The following SLC9A9 variants were observed in gnomAD, a reference collection of about 807,000 sequenced individuals.
The protein encoded by SLC9A9 is sodium/hydrogen exchanger 9.
SLC9A9 carries 62 observed loss-of-function variants against 77.8 expected under a neutral mutation model. The observed-to-expected ratio is 0.80, with a 90% CI of 0.65 to 0.98. The LOEUF (loss-of-function observed/expected upper bound fraction) is 0.98, where lower values mean the gene tolerates loss of function less well. Among genes scored for constraint, SLC9A9 ranks in the 50% least tolerant of loss-of-function variants. SLC9A9 has a pLI of 0.00. For missense variants in SLC9A9, 775 were observed against 774.9 expected (o/e 1.00, Z 0.00); for synonymous variants, 320 against 283.5 (o/e 1.13, Z -1.29).
intron 2 of SLC9A9, among the ~76,000 whole-genome samples, chr3:143,813,451 G>A (rs2008922415): frequency 6.6e-6 from 1 of 152,136 alleles, no homozygotes; most frequent in Admixed American, 6.5e-5. Flanking sequence ...TGGTGAATTG[G>A]AGAAGAGGAA....
Position 143,764,843 on chromosome 3 carries a change from C to T in SLC9A9, c.533+30158G>A, listed in dbSNP as rs561452370. Among the ~76,000 whole-genome samples the T allele has an allele frequency of 2.0e-5, 3 of 152,230 alleles. No individual in the cohort carries two copies. In the South Asian group the frequency reaches 6.2e-4, roughly 32 times the overall value. On this transcript the variant is annotated intron_variant, in intron 4 of 15. Coordinates refer to ENST00000316549, the MANE Select transcript of SLC9A9 (RefSeq NM_173653.4). ...CCTCCCACTGTGGCCTTCCAAAATG[C>T]TGGGATTATAGGTGCGAGCCACCAG...
intron 6 of SLC9A9, among the ~76,000 whole-genome samples, chr3:143,589,005 A>T (rs939068404): frequency 2.0e-5 from 3 of 152,236 alleles, no homozygotes; most frequent in African/African-American, 7.2e-5. Context: ...GTAGGTTAAT[A>T]GCCACCAAAG....
chr3:143,475,214 G>T (rs865710), intron 11 of SLC9A9, among the ~76,000 whole-genome samples: 34,291 of 149,978 alleles, frequency 0.23, 5,004 homozygotes, highest in Non-Finnish European at 0.33. Context: ...TGATCTACCC[G>T]CCTCGGCCTC....
At chr3:143,507,365 G>A (rs956356277) in intron 9 of SLC9A9, among the ~76,000 whole-genome samples, 9 of 151,892 alleles carry the variant, frequency 5.9e-5, no homozygotes, top group Admixed American at 2.6e-4. Context: ...CCGCCACAGC[G>A]CCCGGCTAAT....
intron 14 of SLC9A9, among the ~76,000 whole-genome samples, chr3:143,341,292 C>T (rs1576435559): frequency 6.6e-6 from 1 of 151,932 alleles, no homozygotes; most frequent in East Asian, 1.9e-4. Context: ...GAATATATAC[C>T]TGAGATGGGG....
rs561467463 is a variant in SLC9A9 at position 143,353,668 on chromosome 3, G to T, written c.1604+9816C>A. Among the ~76,000 whole-genome samples the T allele has an allele frequency of 2.3e-4, 35 of 152,162 alleles. 1 individual carries two copies. Among genetic ancestry groups the T allele is most frequent in the Admixed American group, 6.5e-5 (1 of 15,296 alleles). ...GTGATAGCTCTCAGCATTGGTGGCTGGTGCCACCAATCTACCTCATTAGGA... is the reference window on the plus strand; with the variant it reads ...GTGATAGCTCTCAGCATTGGTGGCTTGTGCCACCAATCTACCTCATTAGGA... On this transcript the variant is annotated intron_variant, in intron 14 of 15. Coordinates refer to ENST00000316549, the MANE Select transcript of SLC9A9 (RefSeq NM_173653.4).
At chr3:143,771,193 G>A (rs886359268) in intron 4 of SLC9A9, among the ~76,000 whole-genome samples, 4 of 152,250 alleles carry the variant, frequency 2.6e-5, no homozygotes, top group African/African-American at 4.8e-5. Context: ...ACAGTAATAC[G>A]AAGAAGCAAG....
At chr3:143,711,177 C>A (rs539505390) in intron 4 of SLC9A9, among the ~76,000 whole-genome samples, 1 of 152,134 alleles carries the variant, frequency 6.6e-6, no homozygotes, top group Admixed American at 6.5e-5. Context: ...AAATCTAGAA[C>A]GGAGAGCTTC....
At position 143,302,538 on chromosome 3, in the gene SLC9A9, C is replaced by T. The variant is rs546403312; in HGVS notation, c.1605-33558G>A. On this transcript the variant is annotated intron_variant, in intron 14 of 15. Transcript: ENST00000316549. ...CCTGAATGAGGTTTGTGTGGAGTGGCGGGGAGGAGGAGAGAGCCCCTGAAA... is the reference window on the plus strand; with the variant it reads ...CCTGAATGAGGTTTGTGTGGAGTGGTGGGGAGGAGGAGAGAGCCCCTGAAA... Among the ~76,000 whole-genome samples, 9 of 151,668 alleles carry T rather than the reference C, an allele frequency of 5.9e-5. No homozygotes were observed. In the South Asian group the frequency reaches 8.4e-4, roughly 14 times the overall value.
chr3:143,557,465 G>A (rs2037006263), intron 8 of SLC9A9, among the ~76,000 whole-genome samples: 1 of 152,170 alleles, frequency 6.6e-6, no homozygotes, highest in African/African-American at 2.4e-5. Context: ...CAGTTTGGAG[G>A]GCTCAGAAGA....
chr3:143,437,042 T>A (rs1201312246), intron 12 of SLC9A9, among the ~76,000 whole-genome samples: 2 of 152,238 alleles, frequency 1.3e-5, no homozygotes, highest in Non-Finnish European at 2.9e-5. Context: ...AGTATTAACA[T>A]CTCACATTTT....
intron 12 of SLC9A9, among the ~76,000 whole-genome samples, chr3:143,398,288 G>A (rs375748138): frequency 6.6e-6 from 1 of 152,172 alleles, no homozygotes; most frequent in Non-Finnish European, 1.5e-5. Flanking sequence ...AAGGACTTGG[G>A]AGAGGTAATA....
chr3:143,356,530 A>AT (rs1366366517), intron 14 of SLC9A9, among the ~76,000 whole-genome samples: 2 of 152,114 alleles, frequency 1.3e-5, no homozygotes, highest in Non-Finnish European at 2.9e-5. Flanking sequence ...TTCTCCCAGG[A>AT]TTTTTTAAGA....
At chr3:143,419,381 C>T (rs2034256573) in intron 12 of SLC9A9, among the ~76,000 whole-genome samples, 1 of 152,122 alleles carries the variant, frequency 6.6e-6, no homozygotes, top group Admixed American at 6.6e-5. Flanking sequence ...GGCAGCCTTG[C>T]CCTAAAATTC....
chr3:143,731,084 A>G (rs753297203), intron 4 of SLC9A9, among the ~76,000 whole-genome samples: 3 of 152,198 alleles, frequency 2.0e-5, no homozygotes, highest in Non-Finnish European at 4.4e-5. Flanking sequence ...GGAGAGAGAA[A>G]ACCTTTCCCA....
chr3:143,813,897 A>T (rs572078800), intron 2 of SLC9A9, among the ~76,000 whole-genome samples: 2 of 152,194 alleles, frequency 1.3e-5, no homozygotes, highest in Non-Finnish European at 2.9e-5. Context: ...AGACCTCAAG[A>T]TTGTCCTGGA....
chr3:143,580,151 G>A (rs1373546341), intron 6 of SLC9A9, among the ~76,000 whole-genome samples: 1 of 152,110 alleles, frequency 6.6e-6, no homozygotes, highest in East Asian at 1.9e-4. Context: ...TGCAAGTCCT[G>A]GGAAAAGGTA....
intron 2 of SLC9A9, among the ~76,000 whole-genome samples, chr3:143,821,691 C>T (rs1248384029): frequency 6.6e-6 from 1 of 152,138 alleles, no homozygotes; most frequent in African/African-American, 2.4e-5. Context: ...TACCTTTTGC[C>T]AATTTCTGTG....
chr3:143,273,365 G>T (rs148762407), intron 14 of SLC9A9, among the ~76,000 whole-genome samples: 183 of 152,276 alleles, frequency 1.2e-3, no homozygotes, highest in African/African-American at 3.3e-3. Flanking sequence ...GCTAATCAGG[G>T]TGGGGCCCTT....
Sources: allele counts gnomAD v4.1 joint callset (sites outside exome capture counted in the v4.1 genomes callset), GRCh38; gene constraint gnomAD v4.1.1; transcripts MANE v1.5; gene names NCBI Gene and HGNC (gene_info 2026-07-23, HGNC 2026-07-21).